The following PTGFRN variants were observed in gnomAD, a reference collection of about 807,000 sequenced individuals.
PTGFRN encodes the protein prostaglandin F2 receptor negative regulator.
In PTGFRN, 35 loss-of-function variants were observed where a neutral mutation model predicts 83.2. That is an observed-to-expected ratio of 0.42 (90% CI 0.32 to 0.56). The LOEUF is 0.56. Ranked by LOEUF, PTGFRN falls within the 20% of genes least tolerant of loss-of-function variation. PTGFRN has a pLI of 0.11. For synonymous variants in PTGFRN, 519 were observed against 498.6 expected (o/e 1.04, Z -0.55); for missense variants, 1,051 against 1,179.5 (o/e 0.89, Z 1.60).
chr1:116,966,796 C>A, intron 5 of PTGFRN, 115 bp from the exon 6 acceptor site: 2 of 1,171,890 alleles, frequency 1.7e-6, no homozygotes, highest in Non-Finnish European at 2.3e-6. Flanking sequence ...TTCGTAGGTG[C>A]TTTTGTGTGG....
At chr1:116,945,637 TCTCTAGG>T (rs1342104218) in intron 3 of PTGFRN, among the ~76,000 whole-genome samples, 1 of 151,900 alleles carries the variant, frequency 6.6e-6, no homozygotes, top group Non-Finnish European at 1.5e-5. Flanking sequence ...GGGGAGGAGC[TCTCTAGG>T]GCAGGGCCGC....
intron 7 of PTGFRN, among the ~76,000 whole-genome samples, chr1:116,976,405 C>T (rs959623692): frequency 1.3e-5 from 2 of 152,116 alleles, no homozygotes; most frequent in African/African-American, 4.8e-5. Flanking sequence ...AAGAGGAACT[C>T]CAAGACACAA....
intron 1 of PTGFRN, among the ~76,000 whole-genome samples, chr1:116,919,222 T>G (rs1265153402): frequency 6.6e-6 from 1 of 152,100 alleles, no homozygotes; most frequent in Non-Finnish European, 1.5e-5. Context: ...GGGTGTGACT[T>G]AGAAGCATTA....
chr1:116,934,295 G>A (rs1450562582), intron 1 of PTGFRN, among the ~76,000 whole-genome samples: 1 of 151,746 alleles, frequency 6.6e-6, no homozygotes, highest in Non-Finnish European at 1.5e-5. Flanking sequence ...ACAGATGTGT[G>A]CCACCATGCC....
intron 4 of PTGFRN, among the ~76,000 whole-genome samples, chr1:116,955,391 C>T (rs923944581): frequency 6.6e-6 from 1 of 152,154 alleles, no homozygotes; most frequent in Non-Finnish European, 1.5e-5. Flanking sequence ...GAAGAAATAA[C>T]CACCAACTTC....
In PTGFRN at chr1:116,940,968, G is replaced by A. The variant is rs561278103; in HGVS notation, c.50-747G>A. 3.6e-4 allele frequency among the ~76,000 whole-genome samples: 55 copies of A among 152,310 alleles called. 3 individuals are homozygous for A. In the South Asian group the frequency reaches 0.011, roughly 30 times the overall value. On this transcript the variant is annotated intron_variant, in intron 1 of 8. Coordinates refer to ENST00000393203, the MANE Select transcript of PTGFRN (RefSeq NM_020440.4). ...GGGCTGGGAATTGCACACTCTTAGG[G>A]AAGGGAAAACCAGTGAAGTCTTGCC...
In PTGFRN at chr1:116,984,881, A is replaced by G. The variant is rs1226157164; in HGVS notation, c.2369A>G (p.Asn790Ser). The G allele has an allele frequency of 6.2e-7, 1 of 1,614,044 alleles. No individual in the cohort carries two copies. Among genetic ancestry groups the G allele is most frequent in the African/African-American group, 1.3e-5 (1 of 74,916 alleles). ...VHGSEDQDFGNYYCSVTPWVK... is the reference protein window; with the variant it reads ...VHGSEDQDFGSYYCSVTPWVK... ...GGCTCCGAGGACCAGGACTTTGGCA[A>G]CTACTACTGTTCCGTGACTCCATGG... The change falls in exon 8 of 9, where the codon AAC becomes AGC. Residue 790 changes from asparagine (N) to serine (S), a missense_variant. This residue lies in a region of PTGFRN where 719 missense variants were observed against 836.6 expected (regional missense o/e 0.86). Coordinates refer to ENST00000393203, the MANE Select transcript of PTGFRN (RefSeq NM_020440.4).
At chr1:116,934,626 A>G (rs537806538) in intron 1 of PTGFRN, among the ~76,000 whole-genome samples, 2 of 152,190 alleles carry the variant, frequency 1.3e-5, no homozygotes, top group South Asian at 2.1e-4. Flanking sequence ...TTAGTTTACA[A>G]TCTGTGTCTG....
rs1651084862 is a variant in PTGFRN at position 116,974,321 on chromosome 1, C to T, written c.2165C>T (p.Pro722Leu). Residue 722 changes from proline to leucine, a missense_variant and splice_region_variant, in exon 7 of 9, where the codon CCA becomes CTA. This residue lies in a region of PTGFRN where 719 missense variants were observed against 836.6 expected (regional missense o/e 0.86). Transcript: ENST00000393203. Reference sequence around the variant, plus strand: ...ACTGTCGAGGGAGCAGCACTGGATCCAGGTACCTCACTCCATCCTCACCCC... The same window carrying T: ...ACTGTCGAGGGAGCAGCACTGGATCTAGGTACCTCACTCCATCCTCACCCC... ...IITVEGAALD[P>L]DDMAFDVSWF... 3 of 1,595,450 alleles carry T rather than the reference C, an allele frequency of 1.9e-6. No individual in the cohort carries two copies. The highest frequency in any genetic ancestry group is 2.6e-6 in the Non-Finnish European group (3 of 1,163,446).
At chr1:116,975,331 C>T (rs1200943539) in intron 7 of PTGFRN, among the ~76,000 whole-genome samples, 2 of 152,216 alleles carry the variant, frequency 1.3e-5, no homozygotes, top group African/African-American at 4.8e-5. Flanking sequence ...CAGCAGAAAC[C>T]TCTGCAGACT....
chr1:116,931,744 G>A (rs1235060042), intron 1 of PTGFRN, among the ~76,000 whole-genome samples: 1 of 152,058 alleles, frequency 6.6e-6, no homozygotes, highest in African/African-American at 2.4e-5. Context: ...GTTGAGTCAG[G>A]TACTCCAATA....
intron 2 of PTGFRN, 97 bp downstream of exon 2, chr1:116,942,180 C>T: frequency 7.1e-7 from 1 of 1,417,160 alleles, no homozygotes. Flanking sequence ...TTCTCTGAGG[C>T]TCTGCTCCCT....
intron 3 of PTGFRN, among the ~76,000 whole-genome samples, chr1:116,948,314 G>T (rs931511742): frequency 7.2e-5 from 11 of 152,206 alleles, no homozygotes; most frequent in African/African-American, 2.7e-4. Flanking sequence ...AACTAGATCT[G>T]CCTTGAGTCT....
At chr1:116,971,040 A>G (rs1201043507) in intron 6 of PTGFRN, among the ~76,000 whole-genome samples, 1 of 152,222 alleles carries the variant, frequency 6.6e-6, no homozygotes, top group Non-Finnish European at 1.5e-5. Context: ...AAATATAGTA[A>G]TGTAGAAAGA....
In PTGFRN at chr1:116,958,644, C is replaced by T. The variant is rs1196864496; in HGVS notation, c.1214-2599C>T. Among the ~76,000 whole-genome samples, 1 of 152,200 alleles carries T rather than the reference C, an allele frequency of 6.6e-6. No homozygotes were observed. Among genetic ancestry groups the T allele is most frequent in the African/African-American group, 2.4e-5 (1 of 41,452 alleles). On this transcript the variant is annotated intron_variant, in intron 4 of 8. Coordinates refer to ENST00000393203, the MANE Select transcript of PTGFRN (RefSeq NM_020440.4). This position sits in a 1 kb window ranked among gnomAD's most constrained non-coding sequence, Gnocchi z 4.9. ...GCATTTTAAGTACAGTATATTTTAA[C>T]TCTTAACCCTCACAATAACATTATG...
In PTGFRN at chr1:116,974,938, C is replaced by T. The variant is rs546159957; in HGVS notation, c.2167+615C>T. Among the ~76,000 whole-genome samples, 523 of 152,282 alleles carry T rather than the reference C, an allele frequency of 3.4e-3. 3 individuals carry two copies. Among genetic ancestry groups the T allele is most frequent in the African/African-American group, 0.012 (505 of 41,556 alleles). Reference sequence around the variant, plus strand: ...AAGCAGGGCAAGGCATCAACTCACCCGGGAAGCGCAAGGGGTTAGGGAATT... The same window carrying T: ...AAGCAGGGCAAGGCATCAACTCACCTGGGAAGCGCAAGGGGTTAGGGAATT... On this transcript the variant is annotated intron_variant, in intron 7 of 8. Transcript: ENST00000393203.
At chr1:116,942,227 A>C in intron 2 of PTGFRN, 144 bp downstream of exon 2, 2 of 1,210,384 alleles carry the variant, frequency 1.7e-6, no homozygotes, top group Non-Finnish European at 2.3e-6. Flanking sequence ...TTAAATAATC[A>C]TGTCTTAAAA....
intron 5 of PTGFRN, among the ~76,000 whole-genome samples, chr1:116,966,200 T>C (rs939846357): frequency 1.3e-5 from 2 of 152,266 alleles, no homozygotes; most frequent in Non-Finnish European, 2.9e-5. Flanking sequence ...TGCATAGGCA[T>C]TGTTGTTTTG....
intron 6 of PTGFRN, among the ~76,000 whole-genome samples, chr1:116,970,689 T>C (rs1395608986): frequency 6.6e-6 from 1 of 152,196 alleles, no homozygotes; most frequent in Non-Finnish European, 1.5e-5. Flanking sequence ...CACATTTTAA[T>C]TAGGAGAAGC....
Sources: allele counts gnomAD v4.1 joint callset (sites outside exome capture counted in the v4.1 genomes callset), GRCh38; gene constraint gnomAD v4.1.1; regional missense constraint gnomAD v4.1.1; non-coding constraint Gnocchi (gnomAD v3.1); transcripts MANE v1.5; gene names NCBI Gene and HGNC (gene_info 2026-07-23, HGNC 2026-07-21).